Variants in LBR observed in about 807,000 individuals in gnomAD.
LBR encodes the protein delta(14)-sterol reductase LBR.
LBR carries 28 observed loss-of-function variants against 74.3 expected under a neutral mutation model. That is an observed-to-expected ratio of 0.38 (90% CI 0.28 to 0.52). The LOEUF (loss-of-function observed/expected upper bound fraction) is 0.52, where lower values mean the gene tolerates loss of function less well. Ranked by LOEUF, LBR falls within the 20% of genes least tolerant of loss-of-function variation. LBR has a pLI of 0.89. For synonymous variants in LBR, 228 were observed against 269.3 expected (o/e 0.85, Z 1.50); for missense variants, 717 against 760.3 (o/e 0.94, Z 0.67).
In LBR at chr1:225,404,702, A is replaced by C. The variant is rs1192433983; in HGVS notation, c.1488T>G (p.Cys496Trp). 3 of 1,602,808 alleles carry C rather than the reference A, an allele frequency of 1.9e-6. No homozygotes were observed. ...TTGCACCTCGGAAGATTACATAACC[A>C]CAAACTGCAATTTTAAAATATTTTC... is the stretch of plus-strand genomic sequence containing the variant. ...MASLIIVLKL[C>W]GYVIFRGANS... The change falls in exon 12 of 14, where the codon TGT becomes TGG. Residue 496 changes from cysteine to tryptophan, a missense_variant. Physicochemically the swap from Cys to Trp is radical, Grantham distance 215. Transcript: ENST00000272163.
chr1:225,404,395 A>T lies in LBR; in HGVS notation c.1687+9T>A. ...AAGGGTCAAACTAGCACTCTTCTGA[A>T]ATGCTTACCACATGGGAGGGACCAC... On this transcript the variant is annotated intron_variant, in intron 13 of 13. Coordinates refer to ENST00000272163, the MANE Select transcript of LBR (RefSeq NM_002296.4). 6.2e-7 allele frequency: 1 copy of T among 1,613,884 alleles called. No homozygotes were observed. The highest frequency in any genetic ancestry group is 1.1e-5 in the South Asian group (1 of 91,064).
chr1:225,404,191 G>T lies in LBR; in HGVS notation c.1687+213C>A, dbSNP rs10799305. ...CAGGCACAGCTGAAAACTTAAAATA[G>T]TGCTTTTAGGCTTAAAGTAAAACTT... On this transcript the variant is annotated intron_variant, in intron 13 of 13. Coordinates refer to ENST00000272163, the MANE Select transcript of LBR (RefSeq NM_002296.4). Among the ~76,000 whole-genome samples the T allele has an allele frequency of 1, 152,285 of 152,320 alleles. 76,125 individuals carry two copies. Among genetic ancestry groups the T allele is most frequent in the Middle Eastern group, 1 (294 of 294 alleles).
At chr1:225,416,518 G>A (rs902614037) in intron 6 of LBR, among the ~76,000 whole-genome samples, 16 of 152,158 alleles carry the variant, frequency 1.1e-4, no homozygotes, top group African/African-American at 3.6e-4. Flanking sequence ...CCTCTCCCAA[G>A]AGAAACGTAA....
intron 10 of LBR, among the ~76,000 whole-genome samples, chr1:225,408,662 A>G (rs1396811379): frequency 1.3e-5 from 2 of 152,284 alleles, no homozygotes; most frequent in Non-Finnish European, 2.9e-5. Flanking sequence ...TGAAGAAATC[A>G]TAAAATACAA....
intron 6 of LBR, among the ~76,000 whole-genome samples, chr1:225,416,211 A>G (rs201544834): frequency 1.7e-3 from 253 of 146,214 alleles, no homozygotes; most frequent in African/African-American, 5.7e-3. Flanking sequence ...AAAAAAAAAA[A>G]AAAGAGAGAG....
At position 225,412,649 on chromosome 1, in the gene LBR, TAA is replaced by T. The variant is rs78306811; in HGVS notation, c.893-6_893-5del. 1.8e-3 allele frequency: 2,561 copies of T among 1,385,088 alleles called. No individual in the cohort carries two copies. The highest frequency in any genetic ancestry group is 3.7e-3 in the Admixed American group (169 of 45,906). 85.8% of individuals were successfully genotyped at this position (1,385,088 alleles called of 1,614,324 possible). On this transcript the variant is annotated splice_region_variant and splice_polypyrimidine_tract_variant and intron_variant, in intron 7 of 13. Transcript: ENST00000272163. Reference sequence around the variant, plus strand: ...GTCAGGATAAAAGCATAGAATCCTTTAAAAAAAAAAAAAAAAGGAAGTGGAAA... The same window carrying T: ...GTCAGGATAAAAGCATAGAATCCTTTAAAAAAAAAAAAAAGGAAGTGGAAA...
intron 3 of LBR, among the ~76,000 whole-genome samples, chr1:225,421,870 T>C (rs771256870): frequency 6.6e-6 from 1 of 152,232 alleles, no homozygotes; most frequent in Admixed American, 6.5e-5. Context: ...AAATATTAAA[T>C]AGCATTTCTG....
At chr1:225,403,622 G>C (rs1221411049) in intron 13 of LBR, among the ~76,000 whole-genome samples, 159 bp from the exon 14 acceptor site, 1 of 152,082 alleles carries the variant, frequency 6.6e-6, no homozygotes, top group Non-Finnish European at 1.5e-5. Context: ...AATCCCACTG[G>C]AAAGTGGCAG....
chr1:225,427,076 G>C (rs2096140835), intron 1 of LBR, among the ~76,000 whole-genome samples: 1 of 152,230 alleles, frequency 6.6e-6, no homozygotes, highest in Non-Finnish European at 1.5e-5. Context: ...CCCAGGCGCC[G>C]CGCCTCGCGC....
intron 10 of LBR, among the ~76,000 whole-genome samples, chr1:225,408,905 T>G (rs2150947027): frequency 6.6e-6 from 1 of 152,244 alleles, no homozygotes; most frequent in Non-Finnish European, 1.5e-5. Context: ...AGAAAGCTAG[T>G]AATAGAAGAA....
chr1:225,415,989 G>A (rs2150953044), intron 6 of LBR, among the ~76,000 whole-genome samples: 1 of 152,196 alleles, frequency 6.6e-6, no homozygotes, highest in South Asian at 2.1e-4. Flanking sequence ...GATCACTTGA[G>A]TCCAGGAGTT....
intron 2 of LBR, 54 bp from the exon 3 acceptor site, chr1:225,422,331 A>G: frequency 7.3e-7 from 1 of 1,369,228 alleles, no homozygotes. Flanking sequence ...ACACATACAG[A>G]CAGACCCACA....
intron 3 of LBR, among the ~76,000 whole-genome samples, chr1:225,421,146 T>C (rs564017711): frequency 6.6e-6 from 1 of 152,358 alleles, no homozygotes; most frequent in East Asian, 1.9e-4. Context: ...TATTTTAAAA[T>C]GTCTTAAAGC....
rs2096133915 is a variant in LBR at position 225,423,994 on chromosome 1, G to T, written c.82C>A (p.Leu28Met). 4.3e-6 allele frequency: 7 copies of T among 1,613,836 alleles called. No homozygotes were observed. Among genetic ancestry groups the T allele is most frequent in the Non-Finnish European group, 5.9e-6 (7 of 1,179,888 alleles). The change falls in exon 2 of 14, where the codon CTG becomes ATG. Residue 28 changes from leucine to methionine, a missense_variant. By Grantham distance (15) the Leu-to-Met change is conservative. Coordinates refer to ENST00000272163, the MANE Select transcript of LBR (RefSeq NM_002296.4). ...AGCTGGGAGGTGCTGTCGTGGCTCA[G>T]AATTTCTACTTCATAATAAAGTGAA... The part of the protein sequence containing the change: ...GSSLYYEVEI[L>M]SHDSTSQLYT...
intron 1 of LBR, chr1:225,427,369 A>AT (rs1341025598): frequency 6.6e-6 from 1 of 152,302 alleles, no homozygotes; most frequent in African/African-American, 2.4e-5. Flanking sequence ...AATTCAACGC[A>AT]TAGGAGCGAG....
intron 7 of LBR, among the ~76,000 whole-genome samples, chr1:225,414,754 A>G (rs1468681106): frequency 1.3e-5 from 2 of 152,240 alleles, no homozygotes; most frequent in Non-Finnish European, 2.9e-5. Context: ...TGATGTGTGG[A>G]GGCACAAATG....
rs113160233 is a variant in LBR at position 225,410,272 on chromosome 1, G to A, written c.1314+19C>T. The A allele has an allele frequency of 1.8e-5, 29 of 1,613,546 alleles. No individual in the cohort carries two copies. Among genetic ancestry groups the A allele is most frequent in the Middle Eastern group, 1.7e-4 (1 of 6,054 alleles). Reference sequence around the variant, plus strand: ...CAAAGCCATCTGACTCCAAGGCCTCGGCTCTTAAAATTAATTACCTCATTC... The same window carrying A: ...CAAAGCCATCTGACTCCAAGGCCTCAGCTCTTAAAATTAATTACCTCATTC... On this transcript the variant is annotated intron_variant, in intron 10 of 13. Transcript: ENST00000272163.
At chr1:225,419,173 T>C in intron 5 of LBR, 90 bp downstream of exon 5, 1 of 1,223,330 alleles carries the variant, frequency 8.2e-7, no homozygotes, top group South Asian at 1.2e-5. Flanking sequence ...CTGCCTCAGA[T>C]GTCTTCAGAG....
At chr1:225,422,473 C>T in intron 2 of LBR, 196 bp from the exon 3 acceptor site, 3 of 606,290 alleles carry the variant, frequency 4.9e-6, no homozygotes, top group Non-Finnish European at 8.9e-6. Flanking sequence ...TTTCATGAGA[C>T]AAATGCAGCC....
Sources: gnomAD v4.1 joint callset for allele counts (sites outside exome capture counted in the v4.1 genomes callset) on GRCh38, gnomAD v4.1.1 for gene constraint, MANE v1.5 for transcripts, NCBI Gene and HGNC (gene_info 2026-07-23, HGNC 2026-07-21) for gene names.